SPIRE1: variants seen among roughly 807,000 people sequenced by gnomAD.
SPIRE1 encodes protein spire homolog 1.
Under a neutral mutation model 94.1 loss-of-function variants are expected in SPIRE1, and 40 were observed. That is an observed-to-expected ratio of 0.43 (90% CI 0.33 to 0.55). The LOEUF (loss-of-function observed/expected upper bound fraction) is 0.55. Among genes scored for constraint, SPIRE1 ranks in the 20% least tolerant of loss-of-function variants. SPIRE1 has a pLI of 0.06. For missense variants in SPIRE1, 838 were observed against 975.2 expected (o/e 0.86, Z 1.87); for synonymous variants, 376 against 371.7 (o/e 1.01, Z -0.13).
Position 12,573,276 on chromosome 18 carries a change from A to G in SPIRE1, c.373-26372T>C, listed in dbSNP as rs373552542. On this transcript the variant is annotated intron_variant, in intron 2 of 16. Transcript: ENST00000409402. ...TGCCATTAAGGAACTGCAAATTACAACGAGATACTACTACACCCCTCCGAG... is the reference window on the plus strand; with the variant it reads ...TGCCATTAAGGAACTGCAAATTACAGCGAGATACTACTACACCCCTCCGAG... 3.9e-5 allele frequency among the ~76,000 whole-genome samples: 6 copies of G among 152,304 alleles called. No homozygotes were observed. The South Asian group carries it at 8.3e-4, about 21-fold the overall frequency.
chr18:12,640,853 G>C (rs1204510345), intron 1 of SPIRE1, among the ~76,000 whole-genome samples: 1 of 152,154 alleles, frequency 6.6e-6, no homozygotes, highest in Non-Finnish European at 1.5e-5. Context: ...GATGAGTTCA[G>C]ATTTGACTTT....
rs58238813 is a variant in SPIRE1, at chr18:12,597,157, TACACACACACACACACACACACAC to T, written c.372+37881_372+37904del. On this transcript the variant is annotated intron_variant, in intron 2 of 16. Coordinates refer to ENST00000409402, the MANE Select transcript of SPIRE1 (RefSeq NM_001128626.2). ...GCAACTTCCCTCTAGTGTCTCTTTC[TACACACACACACACACACACACAC>T]ACACACACACACACACACACACACA... Among the ~76,000 whole-genome samples, 44 of 144,200 alleles carry T rather than the reference TACACACACACACACACACACACAC, an allele frequency of 3.1e-4. No homozygotes were observed. The South Asian group carries it at 5.2e-3, about 17-fold the overall frequency. 94.6% of individuals were successfully genotyped at this position (144,200 alleles called of 152,430 possible).
At chr18:12,487,189 T>C (rs2033068732) in intron 8 of SPIRE1, among the ~76,000 whole-genome samples, 1 of 152,186 alleles carries the variant, frequency 6.6e-6, no homozygotes, top group Admixed American at 6.5e-5. Context: ...TCCTGAATAT[T>C]ACTTTTTCTA....
chr18:12,555,447 A>C (rs1391164764), intron 2 of SPIRE1, among the ~76,000 whole-genome samples: 1 of 152,208 alleles, frequency 6.6e-6, no homozygotes, highest in Non-Finnish European at 1.5e-5. Flanking sequence ...TGAATTCAAC[A>C]ACACATTAAA....
At chr18:12,463,560 G>A in intron 11 of SPIRE1, 67 bp from the exon 12 acceptor site, 1 of 1,260,016 alleles carries the variant, frequency 7.9e-7, no homozygotes, top group Non-Finnish European at 1.1e-6. Flanking sequence ...TTTGACATTT[G>A]TGACAAACAC....
intron 1 of SPIRE1, among the ~76,000 whole-genome samples, chr18:12,651,294 C>T (rs1227274683): frequency 6.6e-6 from 1 of 152,166 alleles, no homozygotes; most frequent in Admixed American, 6.5e-5. Context: ...CTCTGGAAAC[C>T]TACACATATA....
At chr18:12,475,010 G>A (rs1314636207) in intron 10 of SPIRE1, among the ~76,000 whole-genome samples, 2 of 152,106 alleles carry the variant, frequency 1.3e-5, no homozygotes, top group African/African-American at 2.4e-5. Context: ...TTTGCTCATG[G>A]TGCAACGTCA....
chr18:12,615,345 A>AATATATATATATATATATAT (rs71174107), intron 2 of SPIRE1, among the ~76,000 whole-genome samples: 1 of 17,244 alleles, frequency 5.8e-5, no homozygotes, highest in Non-Finnish European at 1.9e-4. Context: ...AAAAAAAAAA[A>AATATATATATATATATATAT]ATATATATAT....
intron 9 of SPIRE1, among the ~76,000 whole-genome samples, chr18:12,480,188 A>G (rs1342906734): frequency 6.6e-6 from 1 of 152,268 alleles, no homozygotes; most frequent in African/African-American, 2.4e-5. Flanking sequence ...TTTACTTCAC[A>G]GCCTCTAAGG....
chr18:12,543,016 T>C (rs867161446), intron 3 of SPIRE1, among the ~76,000 whole-genome samples: 1 of 152,044 alleles, frequency 6.6e-6, no homozygotes, highest in Non-Finnish European at 1.5e-5. Context: ...TTAGTAGAGA[T>C]GGGGTTTCAC....
chr18:12,476,541 CA>C (rs558968043), intron 10 of SPIRE1, among the ~76,000 whole-genome samples: 29 of 46,836 alleles, frequency 6.2e-4, no homozygotes, highest in Non-Finnish European at 8.4e-4. Flanking sequence ...ACTCTGTCTC[CA>C]AAAAAAAAAA....
upstream of SPIRE1, chr18:12,658,244 T>C (rs769015452): frequency 1.2e-4 from 56 of 473,434 alleles, no homozygotes; most frequent in South Asian, 8.5e-4. Flanking sequence ...CGAGGCGAGA[T>C]GGCCGCACGG....
intron 2 of SPIRE1, among the ~76,000 whole-genome samples, chr18:12,597,915 G>GT (rs2036723269): frequency 6.6e-6 from 1 of 152,188 alleles, no homozygotes; most frequent in Non-Finnish European, 1.5e-5. Flanking sequence ...ATGTCTAGAT[G>GT]TAAGACTGAG....
At chr18:12,645,304 G>A (rs1489265724) in intron 1 of SPIRE1, among the ~76,000 whole-genome samples, 1 of 152,086 alleles carries the variant, frequency 6.6e-6, no homozygotes, top group African/African-American at 2.4e-5. Context: ...GGAGCTTGGT[G>A]GGAATCAACA....
At chr18:12,551,551 C>T (rs1291577801) in intron 2 of SPIRE1, among the ~76,000 whole-genome samples, 1 of 151,818 alleles carries the variant, frequency 6.6e-6, no homozygotes, top group African/African-American at 2.4e-5. Context: ...AATACAAAAA[C>T]AAAATTAGCC....
chr18:12,614,348 A>G (rs1485508457), intron 2 of SPIRE1, among the ~76,000 whole-genome samples: 1 of 152,222 alleles, frequency 6.6e-6, no homozygotes, highest in Admixed American at 6.5e-5. Context: ...TTTATCTACT[A>G]GAAAATTTCA....
intron 2 of SPIRE1, among the ~76,000 whole-genome samples, chr18:12,575,586 G>A (rs1207034988): frequency 6.6e-6 from 1 of 152,174 alleles, no homozygotes; most frequent in Non-Finnish European, 1.5e-5. Context: ...CTCCCAAAGT[G>A]CTGGGATTAC....
intron 2 of SPIRE1, among the ~76,000 whole-genome samples, chr18:12,575,302 AT>A (rs1362233860): frequency 1.1e-4 from 17 of 152,140 alleles, no homozygotes; most frequent in African/African-American, 2.2e-4. Flanking sequence ...GTAAAAAAAA[AT>A]AAAAAAATTA....
At chr18:12,633,025 T>C (rs926146242) in intron 2 of SPIRE1, among the ~76,000 whole-genome samples, 1 of 152,220 alleles carries the variant, frequency 6.6e-6, no homozygotes, top group Non-Finnish European at 1.5e-5. Context: ...AGTATCTCTT[T>C]AAAAATTTCA....
Sources: gnomAD v4.1 joint callset for allele counts (sites outside exome capture counted in the v4.1 genomes callset) on GRCh38, gnomAD v4.1.1 for gene constraint, MANE v1.5 for transcripts, NCBI Gene and HGNC (gene_info 2026-07-23, HGNC 2026-07-21) for gene names.